Variants in SLC20A1 observed in about 807,000 individuals in gnomAD.
SLC20A1 encodes solute carrier family 20 member 1.
A neutral mutation model predicts 62.7 loss-of-function variants in SLC20A1; 28 were observed. That is an observed-to-expected ratio of 0.45 (90% confidence interval 0.33 to 0.61). SLC20A1 has a LOEUF of 0.61. SLC20A1 is among the 20% of genes least tolerant of loss of function. The pLI is 0.02. For missense variants in SLC20A1, 673 were observed against 838.6 expected, an observed-to-expected ratio of 0.80 and a Z score of 2.44; for synonymous variants, 305 against 302.9, an observed-to-expected ratio of 1.01 and a Z score of -0.07.
intron 10 of SLC20A1, among the ~76,000 whole-genome samples, chr2:112,661,959 G>T (rs946696677): frequency 2.0e-5 from 3 of 152,194 alleles, no homozygotes; most frequent in Non-Finnish European, 4.4e-5. Context: ...GCTGCCATTT[G>T]TGGTGGCTGA....
rs535912709 is a variant in SLC20A1, at chr2:112,652,747, G to A, written c.607G>A (p.Ala203Thr). ...TTTGCGAGCTTTGCCAGTTTTCTAT[G>A]CCTGCACAGTTGGAATAAACCTCTT... ...NGLRALPVFY[A>T]CTVGINLFSI... Residue 203 changes from alanine (A) to threonine (T), a missense_variant, in exon 5 of 11, where the codon GCC becomes ACC. Coordinates refer to ENST00000272542, the MANE Select transcript of SLC20A1 (RefSeq NM_005415.5). 106 of 1,614,122 alleles carry A rather than the reference G, an allele frequency of 6.6e-5. 1 individual carries two copies. The South Asian group carries it at 1.1e-3, about 17-fold the overall frequency.
chr2:112,655,970 G>A (rs1336062979), intron 5 of SLC20A1, among the ~76,000 whole-genome samples: 1 of 152,098 alleles, frequency 6.6e-6, no homozygotes, highest in Non-Finnish European at 1.5e-5. Context: ...CAAAGTGCTG[G>A]GATTACAGGT....
chr2:112,661,909 G>C (rs1403821116), intron 10 of SLC20A1, among the ~76,000 whole-genome samples: 1 of 152,166 alleles, frequency 6.6e-6, no homozygotes, highest in African/African-American at 2.4e-5. Flanking sequence ...TGTATGCTTA[G>C]AAACTGGCAG....
At chr2:112,655,813 C>T (rs915206398) in intron 5 of SLC20A1, among the ~76,000 whole-genome samples, 28 of 152,134 alleles carry the variant, frequency 1.8e-4, no homozygotes, top group Non-Finnish European at 7.4e-5. Flanking sequence ...GATTCTCCTG[C>T]CTCAGCCTCC....
In SLC20A1 at chr2:112,662,927, C is replaced by T. The variant is rs1320654253; in HGVS notation, c.1942C>T (p.Arg648Cys). ...GAAGGCTGTTGACTGGCGTCTCTTT[C>T]GTAACATTTTTATGGCCTGGTTTGT... is the stretch of plus-strand genomic sequence containing the variant. ...SKKAVDWRLF[R>C]NIFMAWFVTV... The change falls in exon 11 of 11, where the codon CGT becomes TGT. Residue 648 changes from arginine to cysteine, a missense_variant. Coordinates refer to ENST00000272542, the MANE Select transcript of SLC20A1 (RefSeq NM_005415.5). The T allele has an allele frequency of 6.8e-6, 11 of 1,614,030 alleles. No homozygotes were observed. Among genetic ancestry groups the T allele is most frequent in the African/African-American group, 2.7e-5 (2 of 74,918 alleles).
chr2:112,652,705 G>C lies in SLC20A1; in HGVS notation c.565G>C (p.Asp189His). 6.2e-7 allele frequency: 1 copy of C among 1,613,224 alleles called. No individual in the cohort carries two copies. Among genetic ancestry groups the C allele is most frequent in the Non-Finnish European group, 8.5e-7 (1 of 1,179,174 alleles). The change falls in exon 5 of 11, where the codon GAT becomes CAT. Residue 189 changes from aspartate (D) to histidine (H), a missense_variant. Asp to His is a moderately conservative substitution (Grantham distance 81). Transcript: ENST00000272542. ...LVRAFILHKA[D>H]PVPNGLRALP... Reference sequence around the variant, plus strand: ...TGATCTTAATGATGTTTTACAGGCAGATCCAGTTCCTAATGGTTTGCGAGC... The same window carrying C: ...TGATCTTAATGATGTTTTACAGGCACATCCAGTTCCTAATGGTTTGCGAGC...
In SLC20A1 at chr2:112,646,730, T is replaced by C. The variant is rs751891866; in HGVS notation, c.-99T>C. 1.9e-6 allele frequency: 1 copy of C among 514,976 alleles called. No homozygotes were observed. The highest frequency in any genetic ancestry group is 3.1e-6 in the Non-Finnish European group (1 of 318,426). 31.9% of individuals were successfully genotyped at this position (514,976 alleles called of 1,614,324 possible). On this transcript the variant is annotated 5_prime_UTR_variant, in exon 2 of 11. Transcript: ENST00000272542. ...TTACAGTATTTAATTTTATATAATA[T>C]ATATTATTTATTATAGCATTTTTGA...
intron 6 of SLC20A1, among the ~76,000 whole-genome samples, chr2:112,657,704 G>T (rs968475243): frequency 6.6e-6 from 1 of 152,236 alleles, no homozygotes; most frequent in African/African-American, 2.4e-5. Flanking sequence ...TAAGTCTAAT[G>T]TGTACATGTT....
intron 5 of SLC20A1, chr2:112,653,032 T>A: frequency 2.0e-6 from 2 of 978,678 alleles, no homozygotes; most frequent in Middle Eastern, 5.1e-4. Context: ...TCTTTAGTCT[T>A]CACAGGATCC....
At position 112,660,011 on chromosome 2, in the gene SLC20A1, C is replaced by T. The variant is rs527483562; in HGVS notation, c.1607+249C>T. Among the ~76,000 whole-genome samples the T allele has an allele frequency of 3.9e-5, 6 of 152,298 alleles. No individual in the cohort carries two copies. In the South Asian group the frequency reaches 8.3e-4, roughly 21 times the overall value. On this transcript the variant is annotated intron_variant, in intron 8 of 10. Coordinates refer to ENST00000272542, the MANE Select transcript of SLC20A1 (RefSeq NM_005415.5). ...TACTCTTCACAGAGAAGGCTTTTGT[C>T]CATCAAGATGAGATTCAGTTCTTTG...
At chr2:112,660,345 T>C in intron 8 of SLC20A1, 42 bp from the exon 9 acceptor site, 1 of 1,575,100 alleles carries the variant, frequency 6.3e-7, no homozygotes, top group Non-Finnish European at 8.7e-7. Context: ...CAAGATCTAG[T>C]TCTGCCTGAA....
chr2:112,660,727 G>T, intron 9 of SLC20A1, 155 bp downstream of exon 9: 1 of 679,450 alleles, frequency 1.5e-6, no homozygotes, highest in Middle Eastern at 4.2e-4. Context: ...TACTTGTCTG[G>T]CCCTTAAACA....
rs767977987 is a variant in SLC20A1, at chr2:112,660,567, C to G, written c.1788C>G (p.Pro596=). The G allele has an allele frequency of 6.2e-7, 1 of 1,612,328 alleles. No individual in the cohort carries two copies. Among genetic ancestry groups the G allele is most frequent in the Non-Finnish European group, 8.5e-7 (1 of 1,179,502 alleles). ...GGAAGGATCTGACACCGATCACACC[C>G]TCTAGGTAAGTAGGTGGAGCAGGTT... ...TMGKDLTPIT[P]SSGFSIELAS... The change falls in exon 9 of 11, where the codon CCC becomes CCG. Residue 596 remains proline, a synonymous_variant. Coordinates refer to ENST00000272542, the MANE Select transcript of SLC20A1 (RefSeq NM_005415.5).
intron 5 of SLC20A1, among the ~76,000 whole-genome samples, chr2:112,654,276 T>G (rs1366283107): frequency 6.6e-6 from 1 of 152,224 alleles, no homozygotes; most frequent in East Asian, 1.9e-4. Flanking sequence ...AAGAGAAGTT[T>G]GTATGCCAGA....
At chr2:112,647,609 G>T (rs922060575) in intron 3 of SLC20A1, 44 bp from the exon 4 acceptor site, 39 of 1,597,040 alleles carry the variant, frequency 2.4e-5, no homozygotes, top group Non-Finnish European at 2.7e-5. Flanking sequence ...TTTGGTTTCT[G>T]ATTTTCATTA....
At chr2:112,661,656 C>G (rs1686752179) in intron 10 of SLC20A1, among the ~76,000 whole-genome samples, 1 of 152,116 alleles carries the variant, frequency 6.6e-6, no homozygotes, top group African/African-American at 2.4e-5. Flanking sequence ...TCAAGTGATT[C>G]TTGTGCTTCA....
At chr2:112,657,928 A>C (rs1009485565) in intron 6 of SLC20A1, among the ~76,000 whole-genome samples, 1 of 152,206 alleles carries the variant, frequency 6.6e-6, no homozygotes, top group African/African-American at 2.4e-5. Context: ...TCCTTAAAAT[A>C]ATCATTTTCT....
At chr2:112,658,568 A>T (rs1686662630) in intron 6 of SLC20A1, 4 of 413,308 alleles carry the variant, frequency 9.7e-6, no homozygotes, top group Non-Finnish European at 1.7e-5. Context: ...AATGTGCTAC[A>T]GAAGCCCGTA....
chr2:112,645,978 C>T lies in SLC20A1; in HGVS notation c.-418C>T, dbSNP rs1686259195. On this transcript the variant is annotated 5_prime_UTR_variant, in exon 1 of 11. Transcript: ENST00000272542. ...CGGCGCTCTCTGCGTGGTTCTTCTT[C>T]TCGGCCGCTGAAACCCCCGCGGCTG... The T allele has an allele frequency of 6.6e-6, 1 of 152,486 alleles. No homozygotes were observed. The highest frequency in any genetic ancestry group is 1.9e-4 in the East Asian group (1 of 5,172). 9.4% of individuals were successfully genotyped at this position (152,486 alleles called of 1,614,324 possible). A position where few individuals can be genotyped will look rare whatever the true frequency, so the allele number is the denominator to read the frequency against.
Sources: gnomAD v4.1 joint callset for allele counts (sites outside exome capture counted in the v4.1 genomes callset) on GRCh38, gnomAD v4.1.1 for gene constraint, MANE v1.5 for transcripts, NCBI Gene and HGNC (gene_info 2026-07-23, HGNC 2026-07-21) for gene names.